MLLT10: variants seen among roughly 807,000 people sequenced by gnomAD.
MLLT10 encodes the protein MLLT10 histone lysine methyltransferase DOT1L cofactor, also known as protein AF-10.
MLLT10 carries 30 observed loss-of-function variants against 129.1 expected under a neutral mutation model. The observed-to-expected ratio is 0.23, with a 90% CI of 0.17 to 0.32. The LOEUF (loss-of-function observed/expected upper bound fraction) is 0.32. Ranked by LOEUF, MLLT10 falls within the 10% of genes least tolerant of loss-of-function variation. The pLI, the probability that MLLT10 is intolerant of heterozygous loss-of-function variation, is 1.00. For missense variants in MLLT10, 1,119 were observed against 1,268.3 expected (o/e 0.88, Z 1.79); for synonymous variants, 490 against 446.4 (o/e 1.10, Z -1.23).
chr10:21,622,310 A>G (rs892569749), intron 8 of MLLT10, among the ~76,000 whole-genome samples: 1 of 148,780 alleles, frequency 6.7e-6, no homozygotes, highest in Non-Finnish European at 1.5e-5. Context: ...AGCGTATGCC[A>G]CTATGCCGGC....
intron 7 of MLLT10, among the ~76,000 whole-genome samples, chr10:21,615,754 C>T (rs2045189327): frequency 6.6e-6 from 1 of 151,978 alleles, no homozygotes; most frequent in Non-Finnish European, 1.5e-5. Flanking sequence ...TATTTAAATA[C>T]AACTTTGGGA....
chr10:21,577,006 C>T (rs2040839680), intron 3 of MLLT10, among the ~76,000 whole-genome samples: 2 of 152,150 alleles, frequency 1.3e-5, no homozygotes, highest in South Asian at 4.1e-4. Flanking sequence ...AAGAAGAAGC[C>T]CTTTGGCCCA....
intron 3 of MLLT10, among the ~76,000 whole-genome samples, chr10:21,585,801 G>T (rs1241594065): frequency 1.3e-5 from 2 of 152,002 alleles, no homozygotes; most frequent in Non-Finnish European, 1.5e-5. Context: ...CGTTTTTGTT[G>T]CCCAGACTGG....
At chr10:21,661,594 A>G (rs2050211196) in intron 9 of MLLT10, 1 of 152,204 alleles carries the variant, frequency 6.6e-6, no homozygotes, top group South Asian at 2.1e-4. Flanking sequence ...AATTAGCATT[A>G]GCACAGTATA....
intron 5 of MLLT10, 50 bp downstream of exon 5, chr10:21,595,490 A>T (rs377300321): frequency 7.0e-7 from 1 of 1,420,020 alleles, no homozygotes. Context: ...ACTGGGAAGT[A>T]GAAAGGAAGT....
At chr10:21,583,554 C>G (rs1156411853) in intron 3 of MLLT10, among the ~76,000 whole-genome samples, 1 of 152,098 alleles carries the variant, frequency 6.6e-6, no homozygotes, top group Non-Finnish European at 1.5e-5. Context: ...GTTCACAGTT[C>G]TGTAGGCTGT....
intron 3 of MLLT10, among the ~76,000 whole-genome samples, chr10:21,561,298 G>C (rs906051982): frequency 1.6e-4 from 24 of 152,120 alleles, no homozygotes; most frequent in African/African-American, 5.1e-4. Flanking sequence ...CCAGGCTGGA[G>C]TGCAGTGGTG....
chr10:21,586,373 A>C (rs1265196386), intron 4 of MLLT10, 25 bp downstream of exon 4: 1 of 1,532,970 alleles, frequency 6.5e-7, no homozygotes. Flanking sequence ...TTCTTGAAAA[A>C]AATTTTATTG....
chr10:21,600,678 T>C (rs1431534939), intron 5 of MLLT10, among the ~76,000 whole-genome samples: 1 of 152,220 alleles, frequency 6.6e-6, no homozygotes, highest in Non-Finnish European at 1.5e-5. Flanking sequence ...GATTTTTCTT[T>C]TCTGGAAAAT....
chr10:21,539,168 AC>A (rs1393345376), intron 3 of MLLT10, among the ~76,000 whole-genome samples: 4 of 152,244 alleles, frequency 2.6e-5, no homozygotes, highest in African/African-American at 4.8e-5. Flanking sequence ...TTAACTAGTT[AC>A]AGAATCAAGA....
intron 8 of MLLT10, among the ~76,000 whole-genome samples, chr10:21,634,550 T>C (rs542542688): frequency 6.6e-6 from 1 of 152,358 alleles, no homozygotes; most frequent in South Asian, 2.1e-4. Context: ...GCTTTGAAAT[T>C]TCTGTTCCCC....
chr10:21,563,856 A>G (rs1228091216), intron 3 of MLLT10, among the ~76,000 whole-genome samples: 1 of 151,244 alleles, frequency 6.6e-6, no homozygotes, highest in Non-Finnish European at 1.5e-5. Context: ...TTTGTCGCCC[A>G]GGCTGGAGTG....
chr10:21,578,922 G>C (rs1291959876), intron 3 of MLLT10, among the ~76,000 whole-genome samples: 1 of 152,192 alleles, frequency 6.6e-6, no homozygotes, highest in Non-Finnish European at 1.5e-5. Flanking sequence ...CTTAAGAGTT[G>C]AAAGTCTTCT....
At position 21,680,709 on chromosome 10, in the gene MLLT10, C is replaced by T. The variant is rs142703162; in HGVS notation, c.1622-623C>T. On this transcript the variant is annotated intron_variant, in intron 11 of 22. Transcript: ENST00000307729. ...GACCTAGACCTAGCGTGGTGGCTCACGTCGGTAATCCCAGCACTTTGGGAG... is the reference window on the plus strand; with the variant it reads ...GACCTAGACCTAGCGTGGTGGCTCATGTCGGTAATCCCAGCACTTTGGGAG... 4.6e-5 allele frequency among the ~76,000 whole-genome samples: 7 copies of T among 152,188 alleles called. No homozygotes were observed. The East Asian group carries it at 7.7e-4, about 17-fold the overall frequency.
chr10:21,603,753 T>G lies in MLLT10; in HGVS notation c.405+8313T>G, dbSNP rs2043786367. On this transcript the variant is annotated intron_variant, in intron 5 of 22. Transcript: ENST00000307729. ...CAGCTGGGTGGATCCTTTTGAGAAC[T>G]CTTAAGGGAAATCTGTTCCATGCTT... Among the ~76,000 whole-genome samples the G allele has an allele frequency of 2.0e-5, 3 of 152,084 alleles. 1 individual carries two copies. Among genetic ancestry groups the G allele is most frequent in the Admixed American group, 2.0e-4 (3 of 15,258 alleles).
At chr10:21,682,070 A>G (rs2052796055) in intron 12 of MLLT10, among the ~76,000 whole-genome samples, 155 bp from the exon 13 acceptor site, 1 of 152,194 alleles carries the variant, frequency 6.6e-6, no homozygotes, top group African/African-American at 2.4e-5. Flanking sequence ...ATACCATGTA[A>G]AAATGGAGCC....
chr10:21,620,714 G>GTTTACACTGC (rs2045726284), intron 8 of MLLT10, among the ~76,000 whole-genome samples: 5 of 151,962 alleles, frequency 3.3e-5, no homozygotes, highest in Admixed American at 2.0e-4. Context: ...TACTGAGGCG[G>GTTTACACTGC]AGTCTTGCTG....
At chr10:21,688,803 T>C (rs189550512) in intron 13 of MLLT10, among the ~76,000 whole-genome samples, 1 of 152,286 alleles carries the variant, frequency 6.6e-6, no homozygotes, top group African/African-American at 2.4e-5. Flanking sequence ...TGTAAGGGCC[T>C]AGGCTCCTAG....
intron 13 of MLLT10, among the ~76,000 whole-genome samples, chr10:21,690,205 G>C (rs1410886647): frequency 1.3e-5 from 2 of 151,980 alleles, no homozygotes; most frequent in African/African-American, 4.8e-5. Flanking sequence ...GGAGATTAAG[G>C]ATTAAGATTC....
Sources: gnomAD v4.1 joint callset for allele counts (sites outside exome capture counted in the v4.1 genomes callset) on GRCh38, gnomAD v4.1.1 for gene constraint, MANE v1.5 for transcripts, NCBI Gene and HGNC (gene_info 2026-07-23, HGNC 2026-07-21) for gene names.